USP50: variants seen among roughly 807,000 people sequenced by gnomAD.
USP50 encodes ubiquitin specific peptidase 50.
USP50 carries 37 observed loss-of-function variants against 39.2 expected under a neutral mutation model. That is an observed-to-expected ratio of 0.94 (90% CI 0.73 to 1.24). USP50 has a LOEUF of 1.24. Among genes scored for constraint, USP50 ranks in the 50% most tolerant of loss-of-function variants. The pLI is 0.00. For missense variants in USP50, 374 were observed against 398.2 expected (o/e 0.94, Z 0.52); for synonymous variants, 139 against 144.5 (o/e 0.96, Z 0.27).
intron 6 of USP50, chr15:50,513,369 C>A (rs2052762726): frequency 6.6e-6 from 1 of 151,666 alleles, no homozygotes; most frequent in African/African-American, 2.4e-5. Context: ...GAAATTATAA[C>A]CACATGCAAC....
chr15:50,496,995 C>G, downstream of USP50: 1 of 1,449,868 alleles, frequency 6.9e-7, no homozygotes, highest in Non-Finnish European at 9.2e-7. Context: ...TGTTGAATCA[C>G]TGGTGCCTGC....
chr15:50,511,155 G>A (rs2052734711), intron 6 of USP50: 1 of 152,194 alleles, frequency 6.6e-6, no homozygotes, highest in Non-Finnish European at 1.5e-5. Context: ...AAACTGGAGA[G>A]AGAGCACTTG....
chr15:50,537,207 A>G (rs1312889400), intron 5 of USP50, among the ~76,000 whole-genome samples: 3 of 151,996 alleles, frequency 2.0e-5, no homozygotes, highest in African/African-American at 7.2e-5. Flanking sequence ...TTTTTCAACA[A>G]ATGGTGCTAG....
At chr15:50,544,893 C>T in intron 1 of USP50, 112 bp from the exon 2 acceptor site, 1 of 1,029,324 alleles carries the variant, frequency 9.7e-7, no homozygotes, top group South Asian at 1.8e-5. Flanking sequence ...ATAAGACTTC[C>T]TCCAAACACA....
downstream of USP50, chr15:50,495,779 C>CT: frequency 7.8e-7 from 1 of 1,281,454 alleles, no homozygotes; most frequent in African/African-American, 1.5e-5. Flanking sequence ...TTTGTATTCA[C>CT]TTTTATTCTT....
chr15:50,523,840 G>C (rs2141365326), intron 6 of USP50, among the ~76,000 whole-genome samples: 1 of 152,200 alleles, frequency 6.6e-6, no homozygotes, highest in South Asian at 2.1e-4. Flanking sequence ...CAGGCCAAAA[G>C]AACAAAGCTG....
chr15:50,498,889 C>CTTGT (rs2052515568), downstream of USP50: 4 of 1,567,778 alleles, frequency 2.6e-6, no homozygotes, highest in African/African-American at 2.8e-5. Flanking sequence ...TTTTTTCTAT[C>CTTGT]TTGTTTGGCA....
chr15:50,538,991 A>G lies in USP50; in HGVS notation c.661-140T>C. 3 of 852,288 alleles carry G rather than the reference A, an allele frequency of 3.5e-6. No homozygotes were observed. The Admixed American group carries it at 1.1e-4, about 30-fold the overall frequency. 52.8% of individuals were successfully genotyped at this position (852,288 alleles called of 1,614,324 possible). A position where few individuals can be genotyped will look rare whatever the true frequency, so the allele number is the denominator to read the frequency against. On this transcript the variant is annotated intron_variant, in intron 4 of 6. Coordinates refer to ENST00000532404, the MANE Select transcript of USP50 (RefSeq NM_203494.5). ...AAAGTCAACAAATCCAGAAGACAACAGTCTCACTAGCTGCAGCCAGATACC... is the reference window on the plus strand; with the variant it reads ...AAAGTCAACAAATCCAGAAGACAACGGTCTCACTAGCTGCAGCCAGATACC...
In USP50 at chr15:50,525,697, GTA is replaced by G. The variant is rs879929075; in HGVS notation, c.936+4098_936+4099del. On this transcript the variant is annotated intron_variant, in intron 6 of 6. Coordinates refer to ENST00000532404, the MANE Select transcript of USP50 (RefSeq NM_203494.5). Reference sequence around the variant, plus strand: ...ATATATGTATATTATATATGTATATGTATATATATGTATATATGTATATGTAT... The same window carrying G: ...ATATATGTATATTATATATGTATATGTATATATGTATATATGTATATGTAT... Among the ~76,000 whole-genome samples the G allele has an allele frequency of 4.0e-3, 425 of 106,908 alleles. 13 individuals are homozygous for G. Among genetic ancestry groups the G allele is most frequent in the Middle Eastern group, 0.014 (3 of 208 alleles). 70.1% of individuals were successfully genotyped at this position (106,908 alleles called of 152,430 possible). A position where few individuals can be genotyped will look rare whatever the true frequency, so the allele number is the denominator to read the frequency against.
chr15:50,501,611 A>C (rs1265163177), intron 6 of USP50: 2 of 152,022 alleles, frequency 1.3e-5, no homozygotes, highest in South Asian at 2.1e-4. Flanking sequence ...GGGGCTATGT[A>C]GCAACAACCC....
intron 6 of USP50, among the ~76,000 whole-genome samples, chr15:50,528,089 G>C (rs939618502): frequency 2.5e-5 from 3 of 120,308 alleles, no homozygotes; most frequent in Non-Finnish European, 5.2e-5. Flanking sequence ...TTTTTTTTTA[G>C]AGATGGGGTT....
At chr15:50,515,394 A>G (rs2052794172) in intron 6 of USP50, among the ~76,000 whole-genome samples, 2 of 152,088 alleles carry the variant, frequency 1.3e-5, no homozygotes, top group Admixed American at 1.3e-4. Context: ...GGCATGTGCC[A>G]CCACGCCCGG....
At position 50,546,541 on chromosome 15, in the gene USP50, T is replaced by A. The variant is rs2053072636; in HGVS notation, c.-16A>T. The A allele has an allele frequency of 1.2e-6, 2 of 1,613,342 alleles. No individual in the cohort carries two copies. Among genetic ancestry groups the A allele is most frequent in the East Asian group, 2.2e-5 (1 of 44,860 alleles). ...GAGAAGTCATTTTAATGGAACCACG[T>A]TGGACTTTTGCTTCTATTCAGGAGC... is the stretch of plus-strand genomic sequence containing the variant. On this transcript the variant is annotated 5_prime_UTR_variant, in exon 1 of 7. Coordinates refer to ENST00000532404, the MANE Select transcript of USP50 (RefSeq NM_203494.5).
At chr15:50,536,701 C>T (rs2052983226) in intron 5 of USP50, among the ~76,000 whole-genome samples, 1 of 151,790 alleles carries the variant, frequency 6.6e-6, no homozygotes, top group Non-Finnish European at 1.5e-5. Context: ...TTCACATTAG[C>T]ACCCTCAAAA....
At chr15:50,537,284 C>A (rs1421930917) in intron 5 of USP50, among the ~76,000 whole-genome samples, 1 of 151,934 alleles carries the variant, frequency 6.6e-6, no homozygotes, top group African/African-American at 2.4e-5. Context: ...ACCTTACACC[C>A]TTCACAAAAA....
intron 6 of USP50, among the ~76,000 whole-genome samples, chr15:50,523,172 T>C (rs2052863602): frequency 7.3e-6 from 1 of 136,082 alleles, no homozygotes; most frequent in African/African-American, 2.7e-5. Context: ...TAAAAATCAG[T>C]AGCTTTTTTT....
In USP50 at chr15:50,546,646, C is replaced by G. The variant is rs1245550042; in HGVS notation, c.-121G>C. On this transcript the variant is annotated 5_prime_UTR_variant, in exon 1 of 7. Coordinates refer to ENST00000532404, the MANE Select transcript of USP50 (RefSeq NM_203494.5). ...TTTTAAACAATTGATATGCTCCTCT[C>G]TCTTCCAGTAGCTGCGAACTGATTT... The G allele has an allele frequency of 9.5e-7, 1 of 1,055,492 alleles. No individual in the cohort carries two copies. Among genetic ancestry groups the G allele is most frequent in the African/African-American group, 1.6e-5 (1 of 63,756 alleles). The allele number at this position is 1,055,492 out of a possible 1,614,324, so 65.4% of individuals were successfully genotyped here.
At chr15:50,516,418 A>C (rs2052804187) in intron 6 of USP50, among the ~76,000 whole-genome samples, 1 of 152,058 alleles carries the variant, frequency 6.6e-6, no homozygotes. Flanking sequence ...GCCCAAAGAG[A>C]CCAGCCTGGC....
chr15:50,541,058 G>A lies in USP50; in HGVS notation c.651C>T (p.Cys217=), dbSNP rs774517708. The A allele has an allele frequency of 9.9e-6, 16 of 1,612,682 alleles. No homozygotes were observed. The highest frequency in any genetic ancestry group is 8.3e-5 in the Admixed American group (5 of 59,998). Residue 217 remains cysteine, a synonymous_variant, in exon 4 of 7, where the codon TGC becomes TGT. Coordinates refer to ENST00000532404, the MANE Select transcript of USP50 (RefSeq NM_203494.5). ...FSLPIPSKYE[C]SLRDCLQCFF... is the part of the protein sequence containing the mutation. The stretch of plus-strand genomic sequence containing the variant: ...AATACTGCATTCCTACCCGAAGGGA[G>A]CATTCATATTTGGATGGAATGGGGA...
Sources: allele counts gnomAD v4.1 joint callset (sites outside exome capture counted in the v4.1 genomes callset), GRCh38; gene constraint gnomAD v4.1.1; transcripts MANE v1.5; gene names NCBI Gene and HGNC (gene_info 2026-07-23, HGNC 2026-07-21).